The following RAB7A variants were observed in gnomAD, a reference collection of about 807,000 sequenced individuals.
RAB7A encodes the protein ras-related protein Rab-7a.
RAB7A carries 2 observed loss-of-function variants against 24.5 expected under a neutral mutation model. That is an observed-to-expected ratio of 0.08 (90% CI 0.03 to 0.26). The LOEUF (loss-of-function observed/expected upper bound fraction) is 0.26. Among genes scored for constraint, RAB7A ranks in the 10% least tolerant of loss-of-function variants. RAB7A has a pLI of 1.00. For synonymous variants in RAB7A, 100 were observed against 95.9 expected, an observed-to-expected ratio of 1.04 and a Z score of -0.25; for missense variants, 118 against 255.7, an observed-to-expected ratio of 0.46 and a Z score of 3.67.
chr3:128,796,739 T>G (rs763442088), intron 2 of RAB7A, among the ~76,000 whole-genome samples: 24 of 152,138 alleles, frequency 1.6e-4, no homozygotes, highest in Non-Finnish European at 2.9e-4. Context: ...CACAGCTCAC[T>G]GCAGCCTCAA....
intron 1 of RAB7A, among the ~76,000 whole-genome samples, chr3:128,750,986 G>A (rs1331974953): frequency 6.6e-6 from 1 of 152,206 alleles, no homozygotes; most frequent in African/African-American, 2.4e-5. Context: ...CAAGCCCCAA[G>A]CTGTGGCAGC....
chr3:128,795,335 G>A (rs1238412524), intron 1 of RAB7A, 25 bp from the exon 2 acceptor site: 1 of 1,593,610 alleles, frequency 6.3e-7, no homozygotes. Context: ...CACACTCACA[G>A]TGATTTCTCC....
intron 1 of RAB7A, among the ~76,000 whole-genome samples, chr3:128,746,919 TAATC>T (rs1026918897): frequency 1.1e-4 from 16 of 151,796 alleles, no homozygotes; most frequent in African/African-American, 3.9e-4. Context: ...TAGCTTAACT[TAATC>T]ATTCCATATT....
intron 1 of RAB7A, chr3:128,764,737 C>CA: frequency 1.2e-6 from 1 of 801,290 alleles, no homozygotes; most frequent in Admixed American, 1.7e-5. Flanking sequence ...CCCACTCTCC[C>CA]AGTCATCACA....
chr3:128,778,418 G>A (rs1420226546), intron 1 of RAB7A, among the ~76,000 whole-genome samples: 1 of 152,040 alleles, frequency 6.6e-6, no homozygotes, highest in Non-Finnish European at 1.5e-5. Flanking sequence ...CATACATTGT[G>A]GCTCCTAGAG....
intron 1 of RAB7A, among the ~76,000 whole-genome samples, chr3:128,735,509 T>C (rs1187391353): frequency 6.6e-6 from 1 of 152,206 alleles, no homozygotes; most frequent in East Asian, 1.9e-4. Context: ...GGAATGGCTT[T>C]GATGTTGTAA....
intron 1 of RAB7A, among the ~76,000 whole-genome samples, chr3:128,774,599 A>G (rs1334565174): frequency 6.6e-6 from 1 of 151,928 alleles, no homozygotes; most frequent in African/African-American, 2.4e-5. Flanking sequence ...TTTGAGACGG[A>G]GTCTCGCTCT....
intron 4 of RAB7A, among the ~76,000 whole-genome samples, 174 bp downstream of exon 4, chr3:128,806,764 C>G (rs1227310140): frequency 1.3e-5 from 2 of 152,224 alleles, no homozygotes; most frequent in East Asian, 3.9e-4. Context: ...CCCAGGTGAC[C>G]TGGGTTAAGT....
At chr3:128,780,199 A>G (rs543571984) in intron 1 of RAB7A, among the ~76,000 whole-genome samples, 1 of 152,178 alleles carries the variant, frequency 6.6e-6, no homozygotes, top group Non-Finnish European at 1.5e-5. Context: ...TTTTCACACA[A>G]TTTTATGACC....
chr3:128,811,572 G>C (rs1390885010), intron 5 of RAB7A, among the ~76,000 whole-genome samples: 1 of 152,192 alleles, frequency 6.6e-6, no homozygotes, highest in African/African-American at 2.4e-5. Flanking sequence ...TGTCCAGCCC[G>C]GATGCAGTGG....
intron 1 of RAB7A, among the ~76,000 whole-genome samples, chr3:128,756,943 A>T (rs1169986760): frequency 6.6e-6 from 1 of 151,382 alleles, no homozygotes; most frequent in Non-Finnish European, 1.5e-5. Flanking sequence ...TCGTGGGTTC[A>T]AGCGATTCTC....
chr3:128,742,348 G>A (rs1275427866), intron 1 of RAB7A, among the ~76,000 whole-genome samples: 1 of 152,158 alleles, frequency 6.6e-6, no homozygotes, highest in Non-Finnish European at 1.5e-5. Flanking sequence ...ACTGCAAAGA[G>A]CGAAAGAACA....
intron 5 of RAB7A, among the ~76,000 whole-genome samples, chr3:128,810,980 G>A (rs2107617494): frequency 6.6e-6 from 1 of 152,174 alleles, no homozygotes; most frequent in Admixed American, 6.5e-5. Flanking sequence ...CTTGAACCTG[G>A]GAGGTGGAGG....
intron 4 of RAB7A, among the ~76,000 whole-genome samples, 197 bp downstream of exon 4, chr3:128,806,787 C>T (rs1440982003): frequency 6.6e-6 from 1 of 152,198 alleles, no homozygotes; most frequent in African/African-American, 2.4e-5. Flanking sequence ...CCATCCTGCC[C>T]CCAGCTGGCT....
At chr3:128,763,860 TCCCG>T (rs2070799100) in intron 1 of RAB7A, among the ~76,000 whole-genome samples, 3 of 75,386 alleles carry the variant, frequency 4.0e-5, no homozygotes, top group African/African-American at 1.7e-4. Flanking sequence ...CCTGTTAGAT[TCCCG>T]CCCCCCCCCC....
chr3:128,803,345 C>G (rs1933737539), intron 3 of RAB7A, among the ~76,000 whole-genome samples: 1 of 151,954 alleles, frequency 6.6e-6, no homozygotes, highest in African/African-American at 2.4e-5. Context: ...CTAACAAGAA[C>G]AAACCACACA....
intron 1 of RAB7A, among the ~76,000 whole-genome samples, chr3:128,792,714 T>C (rs1232337876): frequency 6.6e-6 from 1 of 151,882 alleles, no homozygotes; most frequent in Non-Finnish European, 1.5e-5. Context: ...AGCCTTTTTT[T>C]CCCTTCCCCA....
At position 128,763,957 on chromosome 3, in the gene RAB7A, G is replaced by A. The variant is rs184636264; in HGVS notation, c.-8-31403G>A. ...CTCTACCTACTTATTTTCAGAGTGAGGAGTTATTGTTAGAAGTATTCACTC... is the reference window on the plus strand; with the variant it reads ...CTCTACCTACTTATTTTCAGAGTGAAGAGTTATTGTTAGAAGTATTCACTC... On this transcript the variant is annotated intron_variant, in intron 1 of 5. Coordinates refer to ENST00000265062, the MANE Select transcript of RAB7A (RefSeq NM_004637.6). Among the ~76,000 whole-genome samples the A allele has an allele frequency of 1.3e-4, 19 of 141,836 alleles. No homozygotes were observed. In the East Asian group the frequency reaches 4.0e-3, roughly 30 times the overall value. The allele number at this position is 141,836 out of a possible 152,430, so 93.0% of individuals were successfully genotyped here. A position where few individuals can be genotyped will look rare whatever the true frequency, so the allele number is the denominator to read the frequency against.
chr3:128,753,540 A>T lies in RAB7A; in HGVS notation c.-9+27181A>T, dbSNP rs182244134. Among the ~76,000 whole-genome samples the T allele has an allele frequency of 3.9e-3, 587 of 152,318 alleles. 3 individuals carry two copies. The highest frequency in any genetic ancestry group is 7.0e-3 in the Non-Finnish European group (473 of 68,024). On this transcript the variant is annotated intron_variant, in intron 1 of 5. Coordinates refer to ENST00000265062, the MANE Select transcript of RAB7A (RefSeq NM_004637.6). ...CTTAGTCTTTTTGTGCTGCTATAAC[A>T]AAATACCTTAAGACTGGATAATTTA... is the stretch of plus-strand genomic sequence containing the variant.
Sources: allele counts gnomAD v4.1 joint callset (sites outside exome capture counted in the v4.1 genomes callset), GRCh38; gene constraint gnomAD v4.1.1; transcripts MANE v1.5; gene names NCBI Gene and HGNC (gene_info 2026-07-23, HGNC 2026-07-21).